TMEM74: variants seen among roughly 807,000 people sequenced by gnomAD.
The protein encoded by TMEM74 is transmembrane protein 74.
A neutral mutation model predicts 18.1 loss-of-function variants in TMEM74; 13 were observed. The ratio of observed to expected loss-of-function variants is 0.72; its 90% CI spans 0.47 to 1.14. The LOEUF (loss-of-function observed/expected upper bound fraction) is 1.14. Ranked by LOEUF, TMEM74 falls within the 50% of genes most tolerant of loss-of-function variation. TMEM74 has a pLI of 0.00. For synonymous variants in TMEM74, 159 were observed against 146.6 expected, an observed-to-expected ratio of 1.08 and a Z score of -0.61; for missense variants, 372 against 375.9, an observed-to-expected ratio of 0.99 and a Z score of 0.09.
intron 1 of TMEM74, among the ~76,000 whole-genome samples, chr8:108,699,283 C>T (rs192056587): frequency 1.8e-4 from 27 of 148,682 alleles, no homozygotes; most frequent in African/African-American, 6.7e-4. Flanking sequence ...AATTATAGGA[C>T]TAAACATTTT....
At chr8:108,773,810 C>T (rs12114711) in intron 1 of TMEM74, among the ~76,000 whole-genome samples, 3 of 152,084 alleles carry the variant, frequency 2.0e-5, no homozygotes, top group Non-Finnish European at 2.9e-5. Context: ...AATCCTCAGT[C>T]GCAGGCAAGC....
chr8:108,760,973 AGTGTGTGT>A (rs60213902), intron 1 of TMEM74, among the ~76,000 whole-genome samples: 1 of 148,878 alleles, frequency 6.7e-6, no homozygotes, highest in African/African-American at 2.5e-5. Context: ...GTGGTTTTGG[AGTGTGTGT>A]GTGTGTGTGT....
intron 1 of TMEM74, among the ~76,000 whole-genome samples, chr8:108,748,255 T>A (rs1813870571): frequency 6.6e-6 from 1 of 152,190 alleles, no homozygotes; most frequent in East Asian, 1.9e-4. Flanking sequence ...GTAATAGCCA[T>A]TCTGACTGGC....
chr8:108,613,021 A>C (rs1812348360), intron 2 of TMEM74, among the ~76,000 whole-genome samples: 1 of 152,192 alleles, frequency 6.6e-6, no homozygotes, highest in African/African-American at 2.4e-5. Context: ...CTGAATTATA[A>C]AAATAAAGAA....
In TMEM74 at chr8:108,744,656, G is replaced by A. The variant is rs149331244; in HGVS notation, n.119+42820C>T. 2.0e-3 allele frequency among the ~76,000 whole-genome samples: 306 copies of A among 152,298 alleles called. 1 individual carries two copies. Among genetic ancestry groups the A allele is most frequent in the Admixed American group, 4.8e-3 (74 of 15,292 alleles). ...TCTCTGGGCAAGGTGGAGGACTTAA[G>A]TCTTGTCTTTGTTTTACACCTGGGA... On this transcript the variant is annotated intron_variant and non_coding_transcript_variant, in intron 1 of 3. Coordinates refer to the TMEM74 transcript ENST00000518838.
chr8:108,709,318 T>C (rs975687119), intron 1 of TMEM74, among the ~76,000 whole-genome samples: 2 of 152,138 alleles, frequency 1.3e-5, no homozygotes, highest in Non-Finnish European at 2.9e-5. Flanking sequence ...AAATGTAGCA[T>C]ACACGTACAA....
intron 1 of TMEM74, among the ~76,000 whole-genome samples, chr8:108,663,807 CA>C (rs1812923279): frequency 6.6e-6 from 1 of 152,104 alleles, no homozygotes; most frequent in South Asian, 2.1e-4. Flanking sequence ...ATGTCCTTTG[CA>C]GGGAGATGGA....
At chr8:108,644,213 G>T (rs1812693454) in intron 2 of TMEM74, among the ~76,000 whole-genome samples, 1 of 152,074 alleles carries the variant, frequency 6.6e-6, no homozygotes. Context: ...CTACAGCCTT[G>T]TCGATCCTTG....
intron 1 of TMEM74, among the ~76,000 whole-genome samples, chr8:108,786,901 TA>T (rs1236781350): frequency 1.3e-5 from 2 of 152,158 alleles, no homozygotes; most frequent in African/African-American, 4.8e-5. Flanking sequence ...TACCTCTCTT[TA>T]AAGAAAAGCT....
chr8:108,775,030 GT>G, downstream of TMEM74, among the ~76,000 whole-genome samples: 1 of 152,246 alleles, frequency 6.6e-6, no homozygotes, highest in African/African-American at 2.4e-5. Flanking sequence ...GTTGCCAGAT[GT>G]TGTGATCTGG....
At chr8:108,610,824 G>A (rs1449730373) in intron 2 of TMEM74, among the ~76,000 whole-genome samples, 1 of 152,138 alleles carries the variant, frequency 6.6e-6, no homozygotes. Context: ...TTGTATGAGA[G>A]GCCACTAGAG....
chr8:108,746,930 C>T (rs1813853998), intron 1 of TMEM74, among the ~76,000 whole-genome samples: 1 of 152,116 alleles, frequency 6.6e-6, no homozygotes, highest in African/African-American at 2.4e-5. Flanking sequence ...TACCTCTCTT[C>T]CATCTGGTTG....
chr8:108,673,252 T>C (rs1189475898), intron 1 of TMEM74, among the ~76,000 whole-genome samples: 1 of 152,224 alleles, frequency 6.6e-6, no homozygotes. Context: ...AAGTTGATCT[T>C]ACCAGGGTAA....
chr8:108,702,038 G>A (rs1287484171), intron 1 of TMEM74, among the ~76,000 whole-genome samples: 1 of 152,006 alleles, frequency 6.6e-6, no homozygotes, highest in Non-Finnish European at 1.5e-5. Flanking sequence ...CATATGGTTG[G>A]TATTGGCAAA....
chr8:108,617,325 G>A (rs928499113), intron 2 of TMEM74, among the ~76,000 whole-genome samples: 19 of 152,028 alleles, frequency 1.2e-4, no homozygotes, highest in Admixed American at 2.0e-4. Flanking sequence ...TTGCTCTTCA[G>A]GATCTCCTCT....
intron 1 of TMEM74, among the ~76,000 whole-genome samples, chr8:108,711,070 A>G (rs1227697043): frequency 6.6e-6 from 1 of 152,184 alleles, no homozygotes; most frequent in Non-Finnish European, 1.5e-5. Context: ...ACCTTTCAGA[A>G]TATCAACTAT....
intron 2 of TMEM74, among the ~76,000 whole-genome samples, chr8:108,612,996 G>GA (rs1415746782): frequency 6.6e-6 from 1 of 152,046 alleles, no homozygotes; most frequent in African/African-American, 2.4e-5. Flanking sequence ...CCCAGCCATT[G>GA]AAAAACATAA....
chr8:108,626,347 T>A (rs1449420835), intron 2 of TMEM74, among the ~76,000 whole-genome samples: 2 of 152,054 alleles, frequency 1.3e-5, no homozygotes, highest in African/African-American at 4.8e-5. Flanking sequence ...ATTATGCACC[T>A]CTTAATTTCA....
chr8:108,773,349 A>C (rs144406185), intron 1 of TMEM74, among the ~76,000 whole-genome samples: 95 of 152,310 alleles, frequency 6.2e-4, no homozygotes, highest in African/African-American at 2.0e-3. Context: ...TAACATTCCT[A>C]AAATAGGAAT....
Sources: allele counts gnomAD v4.1 joint callset (sites outside exome capture counted in the v4.1 genomes callset), GRCh38; gene constraint gnomAD v4.1.1; transcripts MANE v1.5; gene names NCBI Gene and HGNC (gene_info 2026-07-23, HGNC 2026-07-21).